SOX6: variants seen among roughly 807,000 people sequenced by gnomAD.
SOX6 encodes transcription factor SOX-6.
SOX6 carries 11 observed loss-of-function variants against 97.8 expected under a neutral mutation model. The observed-to-expected ratio is 0.11, with a 90% CI of 0.07 to 0.19. The LOEUF is 0.19. Ranked by LOEUF, SOX6 falls within the 10% of genes least tolerant of loss-of-function variation. The pLI, the probability that SOX6 is intolerant of heterozygous loss-of-function variation, is 1.00. For synonymous variants in SOX6, 360 were observed against 371.4 expected, an observed-to-expected ratio of 0.97 and a Z score of 0.35; for missense variants, 810 against 1,039.5, an observed-to-expected ratio of 0.78 and a Z score of 3.04.
intron 13 of SOX6, among the ~76,000 whole-genome samples, chr11:15,993,403 T>G (rs1854114201): frequency 6.6e-6 from 1 of 152,160 alleles, no homozygotes; most frequent in Non-Finnish European, 1.5e-5. Flanking sequence ...TTCTTCTCCT[T>G]TTAACAGCAG....
At chr11:16,110,534 T>C (rs1590202818) in intron 7 of SOX6, 1 of 152,280 alleles carries the variant, frequency 6.6e-6, no homozygotes, top group East Asian at 1.9e-4. Context: ...TTGAATGACA[T>C]AATTTTCTCT....
chr11:16,648,241 C>A (rs1249276803), intron 3 of SOX6, among the ~76,000 whole-genome samples: 4 of 152,076 alleles, frequency 2.6e-5, no homozygotes, highest in African/African-American at 9.7e-5. Context: ...CTACCACTAT[C>A]CCCCACTTGC....
At chr11:16,696,630 A>AAT (rs1451026742) in intron 3 of SOX6, among the ~76,000 whole-genome samples, 1 of 152,224 alleles carries the variant, frequency 6.6e-6, no homozygotes, top group Non-Finnish European at 1.5e-5. Context: ...TCTTAAAAAC[A>AAT]ATATATGTAC....
intron 3 of SOX6, among the ~76,000 whole-genome samples, chr11:16,263,837 AAC>A (rs1424828271): frequency 6.6e-6 from 1 of 151,910 alleles, no homozygotes; most frequent in African/African-American, 2.4e-5. Flanking sequence ...CTCAAATGTT[AAC>A]AGTTTATACT....
At chr11:16,662,260 T>C (rs1313426773) in intron 3 of SOX6, among the ~76,000 whole-genome samples, 1 of 152,180 alleles carries the variant, frequency 6.6e-6, no homozygotes, top group African/African-American at 2.4e-5. Context: ...TTGCCCTCAC[T>C]TTGAAGGATA....
chr11:16,266,160 G>A (rs1457333433), intron 3 of SOX6, among the ~76,000 whole-genome samples: 1 of 151,644 alleles, frequency 6.6e-6, no homozygotes, highest in East Asian at 1.9e-4. Flanking sequence ...GAATTAAAGA[G>A]AAAATTCTGA....
chr11:16,407,822 TA>T (rs2133051961), intron 1 of SOX6, among the ~76,000 whole-genome samples: 1 of 152,076 alleles, frequency 6.6e-6, no homozygotes, highest in East Asian at 1.9e-4. Context: ...CCAAAGATAT[TA>T]AAAAGGAAAC....
intron 1 of SOX6, among the ~76,000 whole-genome samples, chr11:16,394,449 C>A (rs1858284274): frequency 1.3e-5 from 2 of 151,924 alleles, no homozygotes; most frequent in South Asian, 4.1e-4. Flanking sequence ...AAAAAAAGTT[C>A]CAGCATAATC....
intron 4 of SOX6, among the ~76,000 whole-genome samples, chr11:16,536,813 C>T (rs1048498358): frequency 3.3e-5 from 5 of 152,318 alleles, no homozygotes; most frequent in Admixed American, 6.5e-5. Context: ...TCAAACTGGG[C>T]GGAGCCCACC....
In SOX6 at chr11:16,046,497, C is replaced by G. The variant is rs764637757; in HGVS notation, c.1623+17G>C. 1.2e-6 allele frequency: 2 copies of G among 1,611,744 alleles called. No homozygotes were observed. Among genetic ancestry groups the G allele is most frequent in the African/African-American group, 2.7e-5 (2 of 74,844 alleles). On this transcript the variant is annotated intron_variant, in intron 12 of 15. Coordinates refer to ENST00000683767, the MANE Select transcript of SOX6 (RefSeq NM_001367873.1). ...AATAAGTCTAGCAGATCCAGTGACA[C>G]AAGGAAGCAGTTTTACCTTTTCATT...
rs148797321 is a variant in SOX6, at chr11:15,969,220, C to T, written c.*3589G>A. On this transcript the variant is annotated 3_prime_UTR_variant, in exon 16 of 16. Transcript: ENST00000683767. ...GAAGATACTATGAAATAGGGAGCAC[C>T]GCAAAAACAAAGTTGCTTAACATTC... 70 of 151,940 alleles carry T rather than the reference C, an allele frequency of 4.6e-4. No homozygotes were observed. Among genetic ancestry groups the T allele is most frequent in the African/African-American group, 1.5e-3 (64 of 41,440 alleles). 9.4% of individuals were successfully genotyped at this position (151,940 alleles called of 1,614,324 possible).
intron 3 of SOX6, among the ~76,000 whole-genome samples, chr11:16,294,274 T>C (rs986717688): frequency 1.2e-4 from 19 of 152,026 alleles, no homozygotes; most frequent in African/African-American, 4.3e-4. Context: ...AAACAGTAAA[T>C]GTTTATTACA....
At chr11:16,593,938 T>G (rs997907752) in intron 4 of SOX6, among the ~76,000 whole-genome samples, 16 of 152,284 alleles carry the variant, frequency 1.1e-4, no homozygotes, top group African/African-American at 3.8e-4. Flanking sequence ...ATGTACAATA[T>G]AAAGGGGTAT....
chr11:16,365,411 AG>A, intron 1 of SOX6, among the ~76,000 whole-genome samples: 1 of 152,108 alleles, frequency 6.6e-6, no homozygotes, highest in African/African-American at 2.4e-5. Flanking sequence ...TTAGAACTTC[AG>A]GGTTTTATCA....
chr11:16,597,883 A>G (rs1299049120), intron 4 of SOX6, among the ~76,000 whole-genome samples: 1 of 152,078 alleles, frequency 6.6e-6, no homozygotes, highest in Non-Finnish European at 1.5e-5. Context: ...ACATTTAGTC[A>G]TTACTCTATC....
intron 3 of SOX6, among the ~76,000 whole-genome samples, chr11:16,646,693 C>T (rs1347510072): frequency 6.6e-6 from 1 of 152,128 alleles, no homozygotes; most frequent in Non-Finnish European, 1.5e-5. Context: ...CATAGCTTAG[C>T]TCCCACTTAT....
chr11:16,138,796 C>T (rs900250397), intron 6 of SOX6, among the ~76,000 whole-genome samples: 9 of 151,574 alleles, frequency 5.9e-5, no homozygotes, highest in East Asian at 1.9e-4. Context: ...TGAGAACATG[C>T]GGTGTTTGGT....
At chr11:16,735,857 T>C (rs1363028526) in intron 2 of SOX6, among the ~76,000 whole-genome samples, 1 of 152,106 alleles carries the variant, frequency 6.6e-6, no homozygotes, top group Non-Finnish European at 1.5e-5. Context: ...AAACAGCAGA[T>C]TTTTTGTACA....
At chr11:16,341,671 ACAATTATC>A (rs992712262) in intron 1 of SOX6, among the ~76,000 whole-genome samples, 10 of 152,168 alleles carry the variant, frequency 6.6e-5, no homozygotes, top group Admixed American at 3.3e-4. Flanking sequence ...ATTTGAAAGC[ACAATTATC>A]CAACTTTCTC....
Sources: gnomAD v4.1 joint callset for allele counts (sites outside exome capture counted in the v4.1 genomes callset) on GRCh38, gnomAD v4.1.1 for gene constraint, MANE v1.5 for transcripts, NCBI Gene and HGNC (gene_info 2026-07-23, HGNC 2026-07-21) for gene names.